The following NGDN variants were observed in gnomAD, a reference collection of about 807,000 sequenced individuals.
NGDN encodes EIF4E-binding protein.
A neutral mutation model predicts 45.2 loss-of-function variants in NGDN; 41 were observed. That is an observed-to-expected ratio of 0.91 (90% confidence interval 0.71 to 1.18). NGDN has a LOEUF of 1.18. Ranked by LOEUF, NGDN falls within the 50% of genes most tolerant of loss-of-function variation. The pLI, the probability that NGDN is intolerant of heterozygous loss-of-function variation, is 0.00. For synonymous variants in NGDN, 137 were observed against 130.9 expected (o/e 1.05, Z -0.32); for missense variants, 402 against 399.9 (o/e 1.01, Z -0.05).
Position 23,476,096 on chromosome 14 carries a change from C to T in NGDN, c.488C>T (p.Ser163Phe), listed in dbSNP as rs374591221. The T allele has an allele frequency of 1.2e-6, 2 of 1,614,116 alleles. No homozygotes were observed. Among genetic ancestry groups the T allele is most frequent in the Middle Eastern group, 1.6e-4 (1 of 6,062 alleles). Residue 163 changes from serine (S) to phenylalanine (F), a missense_variant, in exon 7 of 11, where the codon TCT (serine) becomes TTT (phenylalanine). Coordinates refer to ENST00000408901, the MANE Select transcript of NGDN (RefSeq NM_001042635.2). ...DDQSEASGKK[S>F]VKGVSKKYVP... ...CAGTCTGAGGCTTCAGGGAAGAAAT[C>T]TGTGAAGGGAGTGTCTAAGAAATAT...
At chr14:23,475,929 T>C (rs1166232956) in intron 6 of NGDN, 100 bp from the exon 7 acceptor site, 15 of 1,519,566 alleles carry the variant, frequency 9.9e-6, no homozygotes, top group Non-Finnish European at 1.3e-5. Context: ...CTTTTTTCCC[T>C]TTTTATATTC....
chr14:23,471,907 G>A (rs1049874933), intron 3 of NGDN, among the ~76,000 whole-genome samples: 4 of 152,084 alleles, frequency 2.6e-5, no homozygotes, highest in African/African-American at 9.7e-5. Flanking sequence ...AAAACCATGT[G>A]CATCTTAAAA....
chr14:23,473,427 G>T (rs1297279778), intron 3 of NGDN, among the ~76,000 whole-genome samples: 3 of 152,264 alleles, frequency 2.0e-5, no homozygotes, highest in Admixed American at 1.3e-4. Flanking sequence ...TTTGACCAAA[G>T]ACTTTTACTA....
In NGDN at chr14:23,478,143, C is replaced by A; in HGVS notation, c.*117C>A. 3.0e-6 allele frequency: 3 copies of A among 1,000,882 alleles called. No individual in the cohort carries two copies. Among genetic ancestry groups the A allele is most frequent in the Non-Finnish European group, 4.6e-6 (3 of 655,408 alleles). The allele number at this position is 1,000,882 out of a possible 1,614,324, so 62.0% of individuals were successfully genotyped here. Reference sequence around the variant, plus strand: ...GTTTGCTTTGGACATGTGGAAAGAGCCTTACTAATAAAATTGATTTTGCTT... The same window carrying A: ...GTTTGCTTTGGACATGTGGAAAGAGACTTACTAATAAAATTGATTTTGCTT... On this transcript the variant is annotated 3_prime_UTR_variant, in exon 11 of 11. Transcript: ENST00000408901.
At position 23,477,696 on chromosome 14, in the gene NGDN, G is replaced by A. The variant is rs556918505; in HGVS notation, c.928+136G>A. ...TACTGGGCAATAATCTCCTTAGGTG[G>A]GCTTTTATTTTTTGCTTTCCTGAGC... On this transcript the variant is annotated intron_variant, in intron 10 of 10. Coordinates refer to ENST00000408901, the MANE Select transcript of NGDN (RefSeq NM_001042635.2). 4.9e-5 allele frequency: 73 copies of A among 1,482,290 alleles called. No homozygotes were observed. The African/African-American group carries it at 8.7e-4, about 18-fold the overall frequency. 91.8% of individuals were successfully genotyped at this position (1,482,290 alleles called of 1,614,324 possible).
chr14:23,475,402 T>C, intron 4 of NGDN, 94 bp downstream of exon 4: 1 of 1,406,194 alleles, frequency 7.1e-7, no homozygotes, highest in Non-Finnish European at 9.8e-7. Context: ...AGTCTTCTCA[T>C]GTTTAAGGAA....
At chr14:23,470,352 G>A (rs1227355869) in intron 2 of NGDN, 1 of 476,436 alleles carries the variant, frequency 2.1e-6, no homozygotes, top group Non-Finnish European at 3.8e-6. Context: ...CCAGTGCTTG[G>A]AATGGTAACA....
downstream of NGDN, chr14:23,478,422 C>A (rs1050518047): frequency 1.1e-5 from 2 of 187,816 alleles, no homozygotes; most frequent in Non-Finnish European, 1.1e-5. Context: ...TGTTATAATA[C>A]AATACAGATT....
Position 23,470,537 on chromosome 14 carries a change from A to T in NGDN, c.73-369A>T, listed in dbSNP as rs956415625. The stretch of plus-strand genomic sequence containing the variant: ...GAAAAGGACGGTTTCTACCGAATGC[A>T]TATTTCTTTTACACCCTCGTAAAGT... On this transcript the variant is annotated intron_variant, in intron 2 of 10. Coordinates refer to ENST00000408901, the MANE Select transcript of NGDN (RefSeq NM_001042635.2). Among the ~76,000 whole-genome samples the T allele has an allele frequency of 3.3e-5, 5 of 152,234 alleles. No individual in the cohort carries two copies. In the South Asian group the frequency reaches 1.0e-3, roughly 31 times the overall value.
chr14:23,470,765 C>T (rs1333832428), intron 2 of NGDN, 141 bp from the exon 3 acceptor site: 7 of 529,874 alleles, frequency 1.3e-5, no homozygotes, highest in African/African-American at 2.0e-5. Flanking sequence ...CCTATGCTTT[C>T]CGAGAAGTGA....
chr14:23,476,583 GA>G (rs1257525796), intron 8 of NGDN, among the ~76,000 whole-genome samples, 176 bp downstream of exon 8: 1 of 152,096 alleles, frequency 6.6e-6, no homozygotes, highest in African/African-American at 2.4e-5. Context: ...TAGAAACTAG[GA>G]AAATTTTTAC....
intron 2 of NGDN, 98 bp from the exon 3 acceptor site, chr14:23,470,808 G>T (rs568682138): frequency 2.3e-6 from 2 of 857,454 alleles, no homozygotes; most frequent in East Asian, 5.6e-5. Flanking sequence ...CAGTGTTTCA[G>T]ATAATTTTTA....
Position 23,475,322 on chromosome 14 carries a change from G to C in NGDN, c.282+14G>C. On this transcript the variant is annotated intron_variant, in intron 4 of 10. Coordinates refer to ENST00000408901, the MANE Select transcript of NGDN (RefSeq NM_001042635.2). ...GAGATTCGCACGGTATGAAGCATTT[G>C]GCTTCTTGGAGTTTTAGGTTTCTAA... The C allele has an allele frequency of 6.2e-7, 1 of 1,601,690 alleles. No homozygotes were observed. The highest frequency in any genetic ancestry group is 8.5e-7 in the Non-Finnish European group (1 of 1,175,056).
chr14:23,474,157 C>T (rs1893846665), intron 3 of NGDN, among the ~76,000 whole-genome samples: 1 of 152,132 alleles, frequency 6.6e-6, no homozygotes. Flanking sequence ...CCTTTGCTCT[C>T]CTTCTATACC....
chr14:23,477,815 G>A (rs190285467), intron 10 of NGDN, 192 bp from the exon 11 acceptor site: 2 of 1,465,270 alleles, frequency 1.4e-6, no homozygotes, highest in Admixed American at 5.5e-5. Context: ...AACTGGTAAA[G>A]TGTCACTTGA....
chr14:23,477,198 A>G lies in NGDN; in HGVS notation c.714-2A>G. 5.0e-6 allele frequency: 8 copies of G among 1,613,954 alleles called. No homozygotes were observed. Among genetic ancestry groups the G allele is most frequent in the Non-Finnish European group, 6.8e-6 (8 of 1,179,878 alleles). On this transcript the variant is annotated splice_acceptor_variant, in intron 8 of 10. Coordinates refer to ENST00000408901, the MANE Select transcript of NGDN (RefSeq NM_001042635.2). LOFTEE classifies it high-confidence loss of function. ...CTGCTGGAAACTGTCTTTCTCTGGC[A>G]GGATTAACTATGAGGAGAGCATGAT...
At chr14:23,475,890 G>T (rs1246330498) in intron 6 of NGDN, 112 bp downstream of exon 6, 8 of 1,456,948 alleles carry the variant, frequency 5.5e-6, no homozygotes, top group Non-Finnish European at 5.7e-6. Flanking sequence ...TTTCCAACTT[G>T]TGTGTTAGAA....
In NGDN at chr14:23,476,085, A is replaced by G. The variant is rs1474361755; in HGVS notation, c.477A>G (p.Ser159=). The part of the protein sequence containing the change: ...DEAEDDQSEA[S]GKKSVKGVSK... ...CAGAAGATGACCAGTCTGAGGCTTC[A>G]GGGAAGAAATCTGTGAAGGGAGTGT... The change falls in exon 7 of 11, where the codon TCA becomes TCG. Residue 159 remains serine, a synonymous_variant. Coordinates refer to ENST00000408901, the MANE Select transcript of NGDN (RefSeq NM_001042635.2). 3 of 1,614,064 alleles carry G rather than the reference A, an allele frequency of 1.9e-6. No individual in the cohort carries two copies. Among genetic ancestry groups the G allele is most frequent in the Non-Finnish European group, 2.5e-6 (3 of 1,179,988 alleles).
chr14:23,471,017 G>GT (rs1893764733), intron 3 of NGDN, 40 bp downstream of exon 3: 1 of 1,283,864 alleles, frequency 7.8e-7, no homozygotes, highest in Non-Finnish European at 1.1e-6. Context: ...CTGACTTAAT[G>GT]TTCTCAGTAG....
Sources: allele counts gnomAD v4.1 joint callset (sites outside exome capture counted in the v4.1 genomes callset), GRCh38; gene constraint gnomAD v4.1.1; transcripts MANE v1.5; gene names NCBI Gene and HGNC (gene_info 2026-07-23, HGNC 2026-07-21).